Variants in RPTOR observed in about 807,000 individuals in gnomAD.
The protein encoded by RPTOR is regulatory associated protein of MTOR complex 1, also known as regulatory-associated protein of mTOR.
RPTOR carries 21 observed loss-of-function variants against 169.9 expected under a neutral mutation model. The observed-to-expected ratio is 0.12, with a 90% CI of 0.09 to 0.18. RPTOR has a LOEUF of 0.18. Among genes scored for constraint, RPTOR ranks in the 10% least tolerant of loss-of-function variants. RPTOR has a pLI of 1.00. For missense variants in RPTOR, 1,133 were observed against 1,855.9 expected, an observed-to-expected ratio of 0.61 and a Z score of 7.16; for synonymous variants, 732 against 753.2, an observed-to-expected ratio of 0.97 and a Z score of 0.46.
chr17:80,917,663 C>T (rs1424763456), intron 21 of RPTOR, among the ~76,000 whole-genome samples: 2 of 152,190 alleles, frequency 1.3e-5, no homozygotes, highest in Non-Finnish European at 2.9e-5. Flanking sequence ...TGATCTCAGC[C>T]GATCTGCATA....
intron 22 of RPTOR, 127 bp downstream of exon 22, chr17:80,922,954 C>A (rs1021785033): frequency 9.2e-6 from 7 of 762,282 alleles, no homozygotes; most frequent in South Asian, 3.4e-5. Flanking sequence ...CTCCTCCCCC[C>A]TCTCCAGCGG....
intron 6 of RPTOR, among the ~76,000 whole-genome samples, chr17:80,761,399 A>C (rs1286604346): frequency 6.6e-6 from 1 of 152,176 alleles, no homozygotes; most frequent in African/African-American, 2.4e-5. Context: ...GATTTCCAGG[A>C]CTATAAATGT....
At chr17:80,685,423 G>T (rs2065932483) in intron 3 of RPTOR, among the ~76,000 whole-genome samples, 1 of 150,038 alleles carries the variant, frequency 6.7e-6, no homozygotes, top group South Asian at 2.1e-4. Flanking sequence ...CTACGGCCGT[G>T]TACCACCATG....
intron 6 of RPTOR, among the ~76,000 whole-genome samples, chr17:80,779,509 A>T (rs2066920100): frequency 6.6e-6 from 1 of 152,102 alleles, no homozygotes; most frequent in African/African-American, 2.4e-5. Flanking sequence ...CAGGTGGGGG[A>T]TAAGATTCCG....
chr17:80,554,751 A>AAC lies in RPTOR; in HGVS notation c.162+8962_162+8963dup, dbSNP rs1206244371. Among the ~76,000 whole-genome samples the AAC allele has an allele frequency of 2.3e-3, 249 of 106,220 alleles. 3 individuals carry two copies. The highest frequency in any genetic ancestry group is 1.3e-3 in the Non-Finnish European group (72 of 54,948). The allele number at this position is 106,220 out of a possible 152,430, so 69.7% of individuals were successfully genotyped here. On this transcript the variant is annotated intron_variant, in intron 1 of 33. Coordinates refer to ENST00000306801, the MANE Select transcript of RPTOR (RefSeq NM_020761.3). ...AGAGTGAGACTCTGTCTCAAAACAA[A>AAC]ACAAAACAAAACAAAACAAACAACA... is the stretch of plus-strand genomic sequence containing the variant.
chr17:80,622,109 G>A (rs557104749), intron 1 of RPTOR, among the ~76,000 whole-genome samples: 1 of 152,216 alleles, frequency 6.6e-6, no homozygotes, highest in Non-Finnish European at 1.5e-5. Flanking sequence ...GAAGCACAAG[G>A]TCTATTAGAA....
chr17:80,926,032 T>G (rs905311953), intron 24 of RPTOR, among the ~76,000 whole-genome samples: 2 of 152,196 alleles, frequency 1.3e-5, no homozygotes, highest in Non-Finnish European at 2.9e-5. Flanking sequence ...CCAGTGCTCA[T>G]CTCTCTGCCA....
chr17:80,918,902 A>G (rs1378776500), intron 21 of RPTOR, among the ~76,000 whole-genome samples: 2 of 152,038 alleles, frequency 1.3e-5, no homozygotes, highest in South Asian at 2.1e-4. Context: ...ACTCATGTCT[A>G]TGTCGCCATC....
intron 3 of RPTOR, among the ~76,000 whole-genome samples, chr17:80,702,747 T>C (rs9894978): frequency 0.69 from 105,188 of 152,134 alleles, 37,587 homozygotes; most frequent in African/African-American, 0.88. Context: ...TCAGAAATGA[T>C]GAATCCTTAA....
intron 7 of RPTOR, among the ~76,000 whole-genome samples, chr17:80,819,394 T>G (rs1173235137): frequency 6.6e-6 from 1 of 152,254 alleles, no homozygotes; most frequent in African/African-American, 2.4e-5. Flanking sequence ...CTTAATGTTA[T>G]AAAGCATTGT....
chr17:80,615,356 C>T (rs1410089751), intron 1 of RPTOR, among the ~76,000 whole-genome samples: 1 of 152,168 alleles, frequency 6.6e-6, no homozygotes, highest in Non-Finnish European at 1.5e-5. Flanking sequence ...CTTGTAGGTG[C>T]ATCTGATCAT....
intron 18 of RPTOR, among the ~76,000 whole-genome samples, chr17:80,892,497 T>G (rs1445181112): frequency 2.0e-5 from 3 of 152,262 alleles, no homozygotes; most frequent in Non-Finnish European, 2.9e-5. Flanking sequence ...CCCTGTTGTC[T>G]TTTGTAATTT....
chr17:80,550,606 C>T (rs950080169), intron 1 of RPTOR, among the ~76,000 whole-genome samples: 2 of 152,210 alleles, frequency 1.3e-5, no homozygotes, highest in Admixed American at 6.5e-5. Flanking sequence ...TCTCCATCAC[C>T]GCTTGCCACA....
chr17:80,708,020 C>T lies in RPTOR; in HGVS notation c.507+21C>T, dbSNP rs1459224750. Reference sequence around the variant, plus strand: ...ACAAGGTGGGTGTGCCTTCCAGCTTCCTTCCCGTTTCTGCCAAAAGCCATG... The same window carrying T: ...ACAAGGTGGGTGTGCCTTCCAGCTTTCTTCCCGTTTCTGCCAAAAGCCATG... On this transcript the variant is annotated intron_variant, in intron 4 of 33. Coordinates refer to ENST00000306801, the MANE Select transcript of RPTOR (RefSeq NM_020761.3). This position sits in a 1 kb window ranked among gnomAD's most constrained non-coding sequence, Gnocchi z 4.2. 2 of 1,605,068 alleles carry T rather than the reference C, an allele frequency of 1.2e-6. No individual in the cohort carries two copies. The highest frequency in any genetic ancestry group is 1.3e-5 in the African/African-American group (1 of 74,736).
chr17:80,909,078 A>G, intron 21 of RPTOR, 149 bp downstream of exon 21: 1 of 672,262 alleles, frequency 1.5e-6, no homozygotes, highest in South Asian at 1.7e-5. Context: ...CTGGAGATGT[A>G]CACAGTACAC....
chr17:80,609,537 T>C lies in RPTOR; in HGVS notation c.163-16154T>C, dbSNP rs530321139. ...GAGGTGGGCAGATTATTTGAAGTCA[T>C]AGTTCGAGACCAGCCTGGCCAACAT... On this transcript the variant is annotated intron_variant, in intron 1 of 33. Coordinates refer to ENST00000306801, the MANE Select transcript of RPTOR (RefSeq NM_020761.3). The surrounding 1 kb of genome is among the most constrained non-coding windows in gnomAD (Gnocchi z 4.8). Among the ~76,000 whole-genome samples, 1 of 152,210 alleles carries C rather than the reference T, an allele frequency of 6.6e-6. No homozygotes were observed. Among genetic ancestry groups the C allele is most frequent in the Admixed American group, 6.5e-5 (1 of 15,300 alleles).
chr17:80,720,029 C>T (rs780832519), intron 4 of RPTOR, among the ~76,000 whole-genome samples: 1 of 152,002 alleles, frequency 6.6e-6, no homozygotes, highest in African/African-American at 2.4e-5. Context: ...GGGCCGGGCA[C>T]GGTGGCTCAC....
At chr17:80,771,368 C>A (rs2066841430) in intron 6 of RPTOR, among the ~76,000 whole-genome samples, 1 of 152,218 alleles carries the variant, frequency 6.6e-6, no homozygotes. Flanking sequence ...CCTGCATAAA[C>A]CTCTCATGCC....
chr17:80,706,643 C>T (rs1238501408), intron 3 of RPTOR, among the ~76,000 whole-genome samples: 1 of 152,150 alleles, frequency 6.6e-6, no homozygotes, highest in Non-Finnish European at 1.5e-5. Flanking sequence ...AATGAGAGGC[C>T]CTAGGGGAGC....
Sources: allele counts gnomAD v4.1 joint callset (sites outside exome capture counted in the v4.1 genomes callset), GRCh38; gene constraint gnomAD v4.1.1; non-coding constraint Gnocchi (gnomAD v3.1); transcripts MANE v1.5; gene names NCBI Gene and HGNC (gene_info 2026-07-23, HGNC 2026-07-21).